The following RBFOX1 variants were observed in gnomAD, a reference collection of about 807,000 sequenced individuals.
The protein encoded by RBFOX1 is RNA binding fox-1 homolog 1, also known as RNA binding protein fox-1 homolog 1.
In RBFOX1, 8 loss-of-function variants were observed where a neutral mutation model predicts 57.7. The observed-to-expected ratio is 0.14, with a 90% CI of 0.08 to 0.25. RBFOX1 has a LOEUF of 0.25. RBFOX1 is among the 10% of genes least tolerant of loss of function. The probability of loss-of-function intolerance (pLI) is 1.00; values close to 1 mark genes in which losing one functional copy is unlikely to be tolerated. For synonymous variants in RBFOX1, 326 were observed against 222.4 expected (o/e 1.47, Z -4.15); for missense variants, 611 against 548.5 (o/e 1.11, Z -1.14).
chr16:7,180,269 C>G (rs977113729), intron 4 of RBFOX1, among the ~76,000 whole-genome samples: 2 of 151,972 alleles, frequency 1.3e-5, no homozygotes, highest in Non-Finnish European at 2.9e-5. Context: ...CTCTTTATGT[C>G]CTTATGTAAT....
intron 1 of RBFOX1, among the ~76,000 whole-genome samples, chr16:6,155,737 G>T (rs1041475410): frequency 6.6e-6 from 1 of 152,186 alleles, no homozygotes; most frequent in South Asian, 2.1e-4. Context: ...ATGGGAGGAC[G>T]GCAGGTGGCT....
chr16:6,591,445 C>T (rs546034701), intron 2 of RBFOX1, among the ~76,000 whole-genome samples: 2 of 152,062 alleles, frequency 1.3e-5, no homozygotes, highest in African/African-American at 2.4e-5. Flanking sequence ...CGTAGTGAGA[C>T]TCTGTCTCAC....
intron 2 of RBFOX1, among the ~76,000 whole-genome samples, chr16:6,468,115 C>G (rs777677373): frequency 6.6e-6 from 1 of 152,120 alleles, no homozygotes; most frequent in Non-Finnish European, 1.5e-5. Context: ...GAAATACTTT[C>G]TTGAAGTCAG....
intron 5 of RBFOX1, among the ~76,000 whole-genome samples, chr16:7,573,651 T>C (rs1015586931): frequency 2.0e-5 from 3 of 152,020 alleles, no homozygotes; most frequent in South Asian, 2.1e-4. Context: ...CTGGCCAACA[T>C]TGTGAAACCC....
chr16:5,905,883 C>G (rs933259798), intron 4 of RBFOX1, among the ~76,000 whole-genome samples: 1 of 152,204 alleles, frequency 6.6e-6, no homozygotes, highest in African/African-American at 2.4e-5. Flanking sequence ...TAATTTCCCT[C>G]TTTAGAATTC....
At chr16:6,002,149 A>T (rs1470188238) in intron 4 of RBFOX1, among the ~76,000 whole-genome samples, 7 of 151,682 alleles carry the variant, frequency 4.6e-5, no homozygotes, top group Non-Finnish European at 8.8e-5. Flanking sequence ...TTAAAAGATA[A>T]TTTTTTTTAT....
chr16:6,322,746 A>G (rs966204252), intron 2 of RBFOX1, among the ~76,000 whole-genome samples: 1 of 152,178 alleles, frequency 6.6e-6, no homozygotes, highest in Non-Finnish European at 1.5e-5. Context: ...TGGAAGTGGA[A>G]GAGGTTAAAA....
intron 6 of RBFOX1, among the ~76,000 whole-genome samples, chr16:7,581,547 C>G (rs2093762546): frequency 6.6e-6 from 1 of 152,176 alleles, no homozygotes; most frequent in South Asian, 2.1e-4. Context: ...GTGAAAGTTA[C>G]TGCAGGCTAC....
At chr16:6,064,959 A>G (rs1337090291) in intron 1 of RBFOX1, among the ~76,000 whole-genome samples, 1 of 151,880 alleles carries the variant, frequency 6.6e-6, no homozygotes, top group Non-Finnish European at 1.5e-5. Flanking sequence ...AGTATCTGTA[A>G]TTAAAAATTA....
intron 3 of RBFOX1, among the ~76,000 whole-genome samples, chr16:6,746,506 A>G (rs113824725): frequency 9.9e-5 from 15 of 152,094 alleles, no homozygotes; most frequent in Admixed American, 2.6e-4. Flanking sequence ...GCAAAGCCTC[A>G]TCTCAACAAA....
intron 2 of RBFOX1, among the ~76,000 whole-genome samples, chr16:6,542,351 A>T (rs373567296): frequency 5.9e-5 from 9 of 151,898 alleles, no homozygotes; most frequent in African/African-American, 1.9e-4. Flanking sequence ...GGGTGTTCTA[A>T]ATGCAGGGGT....
chr16:6,227,712 G>C (rs2097428500), intron 1 of RBFOX1, among the ~76,000 whole-genome samples: 1 of 152,192 alleles, frequency 6.6e-6, no homozygotes, highest in African/African-American at 2.4e-5. Context: ...AGTTCCTCAA[G>C]AATAGCTGAA....
intron 2 of RBFOX1, among the ~76,000 whole-genome samples, chr16:6,374,363 A>G (rs1033691298): frequency 1.3e-5 from 2 of 152,206 alleles, no homozygotes; most frequent in Non-Finnish European, 2.9e-5. Context: ...TCCTTTACTG[A>G]TGGATAGACA....
chr16:6,626,592 T>A (rs2098311403), intron 2 of RBFOX1, among the ~76,000 whole-genome samples: 1 of 152,076 alleles, frequency 6.6e-6, no homozygotes, highest in Admixed American at 6.6e-5. Context: ...AAACCCTGTC[T>A]CTACTAAAAA....
At chr16:6,750,092 G>C (rs1603526543) in intron 3 of RBFOX1, among the ~76,000 whole-genome samples, 2 of 152,220 alleles carry the variant, frequency 1.3e-5, no homozygotes, top group South Asian at 2.1e-4. Flanking sequence ...AGGTGTATAG[G>C]GTTATGATCT....
chr16:7,248,243 C>T (rs372000322), intron 4 of RBFOX1, among the ~76,000 whole-genome samples: 1 of 152,292 alleles, frequency 6.6e-6, no homozygotes, highest in East Asian at 1.9e-4. Flanking sequence ...AAACCATTAA[C>T]ACAGTGAGTG....
chr16:7,184,166 C>T (rs1257208364), intron 4 of RBFOX1, among the ~76,000 whole-genome samples: 1 of 152,128 alleles, frequency 6.6e-6, no homozygotes, highest in Non-Finnish European at 1.5e-5. Flanking sequence ...AAAAGAGTAG[C>T]ACAGGGCTGG....
At chr16:5,931,511 A>G (rs2059056178) in intron 4 of RBFOX1, among the ~76,000 whole-genome samples, 1 of 152,172 alleles carries the variant, frequency 6.6e-6, no homozygotes, top group Non-Finnish European at 1.5e-5. Flanking sequence ...ACAGATGCCC[A>G]CCGTAGCCCT....
chr16:6,788,708 C>G (rs1408806319), intron 3 of RBFOX1, among the ~76,000 whole-genome samples: 1 of 151,698 alleles, frequency 6.6e-6, no homozygotes, highest in Non-Finnish European at 1.5e-5. Flanking sequence ...ATCTCCTGAT[C>G]TCGTGATCCG....
Sources: gnomAD v4.1 joint callset for allele counts (sites outside exome capture counted in the v4.1 genomes callset) on GRCh38, gnomAD v4.1.1 for gene constraint, MANE v1.5 for transcripts, NCBI Gene and HGNC (gene_info 2026-07-23, HGNC 2026-07-21) for gene names.